The following PDLIM5 variants were observed in gnomAD, a reference collection of about 807,000 sequenced individuals.
PDLIM5 encodes the protein PDZ and LIM domain 5.
PDLIM5 carries 34 observed loss-of-function variants against 64.2 expected under a neutral mutation model. The ratio of observed to expected loss-of-function variants is 0.53; its 90% confidence interval spans 0.40 to 0.71. PDLIM5 has a LOEUF of 0.71. Ranked by LOEUF, PDLIM5 falls within the 30% of genes least tolerant of loss-of-function variation. PDLIM5 has a pLI of 0.00. For synonymous variants in PDLIM5, 253 were observed against 269.1 expected, an observed-to-expected ratio of 0.94 and a Z score of 0.59; for missense variants, 683 against 733.6, an observed-to-expected ratio of 0.93 and a Z score of 0.80.
intron 2 of PDLIM5, among the ~76,000 whole-genome samples, chr4:94,502,602 C>A (rs144881758): frequency 6.6e-6 from 1 of 152,104 alleles, no homozygotes; most frequent in Non-Finnish European, 1.5e-5. Flanking sequence ...TAAGGCCGGG[C>A]GCAGTGGCTC....
chr4:94,608,454 G>A (rs1475763222), intron 7 of PDLIM5, among the ~76,000 whole-genome samples: 1 of 152,046 alleles, frequency 6.6e-6, no homozygotes, highest in East Asian at 1.9e-4. Context: ...TTTGTCATAA[G>A]TCTCCTTTTC....
At chr4:94,611,150 T>C (rs1329097079) in intron 7 of PDLIM5, 1 of 1,534,876 alleles carries the variant, frequency 6.5e-7, no homozygotes, top group East Asian at 2.4e-5. Context: ...CTTTTTCCTA[T>C]CTGCAGTCCT....
intron 3 of PDLIM5, among the ~76,000 whole-genome samples, chr4:94,555,962 T>G (rs1193480068): frequency 6.6e-6 from 1 of 151,990 alleles, no homozygotes; most frequent in Non-Finnish European, 1.5e-5. Flanking sequence ...ACATTCAGGT[T>G]TGTTACATAT....
intron 7 of PDLIM5, among the ~76,000 whole-genome samples, chr4:94,609,353 G>A (rs114938247): frequency 0.011 from 1,670 of 152,212 alleles, 40 homozygotes; most frequent in African/African-American, 0.038. Context: ...AATCACTACA[G>A]TCATAATTAT....
intron 7 of PDLIM5, among the ~76,000 whole-genome samples, chr4:94,610,718 A>T (rs903295115): frequency 6.6e-6 from 1 of 152,188 alleles, no homozygotes; most frequent in African/African-American, 2.4e-5. Context: ...AAAAAATAAA[A>T]TTGTGTCCTT....
At chr4:94,525,692 G>C (rs1730292439) in intron 3 of PDLIM5, among the ~76,000 whole-genome samples, 1 of 152,144 alleles carries the variant, frequency 6.6e-6, no homozygotes, top group South Asian at 2.1e-4. Context: ...TAGACATACA[G>C]ATCTATTTTG....
At chr4:94,544,170 GT>G (rs1385687511) in intron 3 of PDLIM5, among the ~76,000 whole-genome samples, 1 of 151,982 alleles carries the variant, frequency 6.6e-6, no homozygotes, top group Non-Finnish European at 1.5e-5. Context: ...TAGTCTGTCT[GT>G]GTCCTCTCCT....
rs150237321 is a variant in PDLIM5 at position 94,520,279 on chromosome 4, T to C, written c.97-3445T>C. Among the ~76,000 whole-genome samples the C allele has an allele frequency of 1.6e-3, 246 of 152,280 alleles. 1 individual carries two copies. Among genetic ancestry groups the C allele is most frequent in the African/African-American group, 5.3e-3 (219 of 41,568 alleles). Reference sequence around the variant, plus strand: ...TCAAAAAGGAAGCATTTGCTTGTGATTAGTTTGATTTATGCTGAGCTCGAC... The same window carrying C: ...TCAAAAAGGAAGCATTTGCTTGTGACTAGTTTGATTTATGCTGAGCTCGAC... On this transcript the variant is annotated intron_variant, in intron 2 of 12. Transcript: ENST00000317968.
chr4:94,549,581 G>T (rs1374381821), intron 3 of PDLIM5, among the ~76,000 whole-genome samples: 4 of 152,138 alleles, frequency 2.6e-5, no homozygotes, highest in South Asian at 4.2e-4. Flanking sequence ...GGAACAATAT[G>T]TATTATTATG....
chr4:94,455,911 A>T, intron 2 of PDLIM5: 1 of 1,456,884 alleles, frequency 6.9e-7, no homozygotes. Context: ...CTCCAACTAG[A>T]TAGCCTATGA....
chr4:94,629,802 T>G (rs2110430123), intron 8 of PDLIM5, among the ~76,000 whole-genome samples: 1 of 152,358 alleles, frequency 6.6e-6, no homozygotes, highest in East Asian at 1.9e-4. Context: ...CTGTCCAATT[T>G]GCTTTTAATC....
intron 5 of PDLIM5, 58 bp from the exon 6 acceptor site, chr4:94,585,507 T>TC: frequency 2.0e-6 from 2 of 999,938 alleles, no homozygotes; most frequent in Non-Finnish European, 2.8e-6. Flanking sequence ...GTAGAAGATA[T>TC]TTTATCCTTT....
intron 2 of PDLIM5, among the ~76,000 whole-genome samples, chr4:94,484,885 CA>C (rs1414325132): frequency 2.0e-5 from 3 of 152,152 alleles, no homozygotes; most frequent in Non-Finnish European, 4.4e-5. Context: ...ATATTATATA[CA>C]GAACAAGACC....
intron 7 of PDLIM5, among the ~76,000 whole-genome samples, chr4:94,600,053 T>C (rs184546785): frequency 5.3e-5 from 8 of 152,156 alleles, no homozygotes; most frequent in African/African-American, 1.7e-4. Flanking sequence ...CCCAAGGGAT[T>C]TGAACTTCTG....
chr4:94,594,269 T>G (rs1736889907), intron 7 of PDLIM5, among the ~76,000 whole-genome samples: 1 of 152,182 alleles, frequency 6.6e-6, no homozygotes, highest in Non-Finnish European at 1.5e-5. Context: ...AATGAACATT[T>G]GTTTTTTAAT....
intron 2 of PDLIM5, among the ~76,000 whole-genome samples, chr4:94,460,637 A>C (rs1376073227): frequency 6.6e-6 from 1 of 152,024 alleles, no homozygotes; most frequent in Non-Finnish European, 1.5e-5. Context: ...AAAAAAGAAA[A>C]AAAAAAAGGT....
At chr4:94,586,487 C>T (rs781206018) in intron 7 of PDLIM5, 43 bp downstream of exon 7, 11 of 1,160,172 alleles carry the variant, frequency 9.5e-6, no homozygotes, top group African/African-American at 3.1e-5. Flanking sequence ...TTTCCTTTCA[C>T]GAATGGTCTC....
chr4:94,540,495 A>G (rs1731713868), intron 3 of PDLIM5, among the ~76,000 whole-genome samples: 1 of 152,224 alleles, frequency 6.6e-6, no homozygotes, highest in South Asian at 2.1e-4. Flanking sequence ...AGCCAGGATG[A>G]AAAACACAGG....
chr4:94,488,261 A>G (rs1040295890), intron 2 of PDLIM5, among the ~76,000 whole-genome samples: 2 of 152,190 alleles, frequency 1.3e-5, no homozygotes, highest in African/African-American at 2.4e-5. Flanking sequence ...TTGAATTGAA[A>G]TGATCTGTTT....
Sources: gnomAD v4.1 joint callset for allele counts (sites outside exome capture counted in the v4.1 genomes callset) on GRCh38, gnomAD v4.1.1 for gene constraint, MANE v1.5 for transcripts, NCBI Gene and HGNC (gene_info 2026-07-23, HGNC 2026-07-21) for gene names.